The following TMEM192 variants were observed in gnomAD, a reference collection of about 807,000 sequenced individuals.
TMEM192 encodes the protein transmembrane protein 192.
A neutral mutation model predicts 26.7 loss-of-function variants in TMEM192; 20 were observed. That is an observed-to-expected ratio of 0.75 (90% CI 0.53 to 1.09). The LOEUF is 1.09. Among genes scored for constraint, TMEM192 ranks in the 50% least tolerant of loss-of-function variants. The probability of loss-of-function intolerance (pLI) is 0.00; values close to 1 mark genes in which losing one functional copy is unlikely to be tolerated. For synonymous variants in TMEM192, 124 were observed against 121.0 expected (o/e 1.02, Z -0.16); for missense variants, 304 against 322.6 (o/e 0.94, Z 0.44).
Position 165,096,960 on chromosome 4 carries a change from T to TG in TMEM192, c.439+3667_439+3668insC, listed in dbSNP as rs1734921054. Among the ~76,000 whole-genome samples, 3 of 4,906 alleles carry TG rather than the reference T, an allele frequency of 6.1e-4. No individual in the cohort carries two copies. The Non-Finnish European group carries it at 6.2e-3, about 10-fold the overall frequency. The allele number at this position is 4,906 out of a possible 152,430, so 3.2% of individuals were successfully genotyped here. On this transcript the variant is annotated intron_variant, in intron 3 of 5. Coordinates refer to ENST00000306480, the MANE Select transcript of TMEM192 (RefSeq NM_001100389.2). ...TTTTGTAGTTTAAAATTAAGTTTTT[T>TG]CTTTTTTTTTAATCTTTGTGTTACC...
At chr4:165,095,639 T>C (rs1016298566) in intron 3 of TMEM192, among the ~76,000 whole-genome samples, 69 of 152,298 alleles carry the variant, frequency 4.5e-4, no homozygotes, top group African/African-American at 1.6e-3. Context: ...CTTTACACTT[T>C]TAGGCCCCAG....
rs541804366 is a variant in TMEM192 at position 165,088,401 on chromosome 4, A to G, written c.574+67T>C. 8.1e-5 allele frequency: 123 copies of G among 1,524,792 alleles called. 1 individual carries two copies. In the African/African-American group the frequency reaches 1.3e-3, roughly 17 times the overall value. 94.5% of individuals were successfully genotyped at this position (1,524,792 alleles called of 1,614,324 possible). A position where few individuals can be genotyped will look rare whatever the true frequency, so the allele number is the denominator to read the frequency against. On this transcript the variant is annotated intron_variant, in intron 4 of 5. Coordinates refer to ENST00000306480, the MANE Select transcript of TMEM192 (RefSeq NM_001100389.2). The stretch of plus-strand genomic sequence containing the variant: ...AACTTCCTTGTCGCTAATGGGCTAT[A>G]CTTTAAACTGGGAGGAAAGGAAGCA...
At position 165,070,850 on chromosome 4, in the gene TMEM192, G is replaced by T. The variant is rs890455271; in HGVS notation, c.*8808C>A. On this transcript the variant is annotated 3_prime_UTR_variant, in exon 6 of 6. Transcript: ENST00000306480. ...AAGTTAGTGACATTAATTCATCAAC[G>T]TATATTGAGTGCCTACTTTGTGCCA... 6.6e-6 allele frequency: 1 copy of T among 152,170 alleles called. No individual in the cohort carries two copies. The highest frequency in any genetic ancestry group is 1.5e-5 in the Non-Finnish European group (1 of 68,036). The allele number at this position is 152,170 out of a possible 1,614,324, so 9.4% of individuals were successfully genotyped here. A position where few individuals can be genotyped will look rare whatever the true frequency, so the allele number is the denominator to read the frequency against.
At chr4:165,104,879 C>T (rs756221776) in intron 1 of TMEM192, among the ~76,000 whole-genome samples, 2 of 152,136 alleles carry the variant, frequency 1.3e-5, no homozygotes, top group Admixed American at 6.6e-5. Context: ...TTTACCATAA[C>T]TCATGGTACA....
rs1175402674 is a variant in TMEM192, at chr4:165,071,248, T to A, written c.*8410A>T. Reference sequence around the variant, plus strand: ...GTTACGTGTGGTGGTGTGGTGCACATCTATAATCCCAGCTACTCAGGAGGC... The same window carrying A: ...GTTACGTGTGGTGGTGTGGTGCACAACTATAATCCCAGCTACTCAGGAGGC... On this transcript the variant is annotated 3_prime_UTR_variant, in exon 6 of 6. Transcript: ENST00000306480. 6.6e-6 allele frequency: 1 copy of A among 151,822 alleles called. No homozygotes were observed. The highest frequency in any genetic ancestry group is 2.4e-5 in the African/African-American group (1 of 41,336). 9.4% of individuals were successfully genotyped at this position (151,822 alleles called of 1,614,324 possible).
chr4:165,102,924 A>C (rs967083332), intron 2 of TMEM192, 26 bp downstream of exon 2: 10 of 1,598,596 alleles, frequency 6.3e-6, no homozygotes, highest in Non-Finnish European at 8.5e-6. Flanking sequence ...ACCTCTGGAT[A>C]GGTCCCCTTC....
chr4:165,085,752 A>C (rs754230524), intron 4 of TMEM192, 64 bp from the exon 5 acceptor site: 1 of 1,231,734 alleles, frequency 8.1e-7, no homozygotes, highest in Non-Finnish European at 1.2e-6. Context: ...ATTTTTTCAA[A>C]TTATGCTAAT....
intron 5 of TMEM192, among the ~76,000 whole-genome samples, chr4:165,080,312 CA>C (rs1305840021): frequency 6.6e-6 from 1 of 151,720 alleles, no homozygotes; most frequent in Non-Finnish European, 1.5e-5. Context: ...ATAAAACAAA[CA>C]AAAAAAATCT....
chr4:165,094,352 T>A (rs970687823), intron 3 of TMEM192, among the ~76,000 whole-genome samples: 3 of 152,222 alleles, frequency 2.0e-5, no homozygotes, highest in East Asian at 3.8e-4. Context: ...TGGTGTTTTT[T>A]AAATGATTTT....
At chr4:165,090,553 A>G (rs1734734832) in intron 3 of TMEM192, among the ~76,000 whole-genome samples, 1 of 152,072 alleles carries the variant, frequency 6.6e-6, no homozygotes, top group African/African-American at 2.4e-5. Context: ...ACAACAAACC[A>G]TAAAACATAA....
rs192019464 is a variant in TMEM192 at position 165,083,945 on chromosome 4, C to T, written c.677+1641G>A. Reference sequence around the variant, plus strand: ...CAAGCGATTCTCCTGCCTCAGCCTCCTGAGTAGCTGGGACTACAGGTGTGC... The same window carrying T: ...CAAGCGATTCTCCTGCCTCAGCCTCTTGAGTAGCTGGGACTACAGGTGTGC... On this transcript the variant is annotated intron_variant, in intron 5 of 5. Transcript: ENST00000306480. Among the ~76,000 whole-genome samples, 51 of 145,378 alleles carry T rather than the reference C, an allele frequency of 3.5e-4. No individual in the cohort carries two copies. In the East Asian group the frequency reaches 0.011, roughly 30 times the overall value.
chr4:165,106,544 T>C (rs1375297561), intron 1 of TMEM192, among the ~76,000 whole-genome samples: 1 of 152,250 alleles, frequency 6.6e-6, no homozygotes, highest in Non-Finnish European at 1.5e-5. Context: ...CAGCTGCCAA[T>C]GCAGCTAGAA....
Position 165,073,077 on chromosome 4 carries a change from A to C in TMEM192, c.*6581T>G, listed in dbSNP as rs2111249613. ...AGTGAAGTAGAAGAAAATGAGGAGA[A>C]TGTAGTGTCCTGGAAGCCAAGCTGA... On this transcript the variant is annotated 3_prime_UTR_variant, in exon 6 of 6. Coordinates refer to ENST00000306480, the MANE Select transcript of TMEM192 (RefSeq NM_001100389.2). The C allele has an allele frequency of 6.6e-6, 1 of 152,542 alleles. No individual in the cohort carries two copies. The highest frequency in any genetic ancestry group is 1.9e-4 in the East Asian group (1 of 5,172). 9.4% of individuals were successfully genotyped at this position (152,542 alleles called of 1,614,324 possible).
At chr4:165,111,496 A>G (rs1027743021) in intron 1 of TMEM192, among the ~76,000 whole-genome samples, 1 of 150,936 alleles carries the variant, frequency 6.6e-6, no homozygotes, top group Non-Finnish European at 1.5e-5. Flanking sequence ...ATCAACCAAG[A>G]AGCACTTACT....
At chr4:165,091,584 C>T (rs1734765529) in intron 3 of TMEM192, among the ~76,000 whole-genome samples, 1 of 152,012 alleles carries the variant, frequency 6.6e-6, no homozygotes, top group South Asian at 2.1e-4. Flanking sequence ...GCACTGACAC[C>T]CACAAGGGCA....
rs1734289509 is a variant in TMEM192 at position 165,072,369 on chromosome 4, A to T, written c.*7289T>A. 1 of 152,092 alleles carries T rather than the reference A, an allele frequency of 6.6e-6. No individual in the cohort carries two copies. The allele number at this position is 152,092 out of a possible 1,614,324, so 9.4% of individuals were successfully genotyped here. On this transcript the variant is annotated 3_prime_UTR_variant, in exon 6 of 6. Transcript: ENST00000306480. ...CCGGAGTTCAAGACCAGCCTGGCTA[A>T]CATGGTGAAACCCCCTTTCTACTAA...
Position 165,102,976 on chromosome 4 carries a change from T to C in TMEM192, c.148A>G (p.Ile50Val), listed in dbSNP as rs887684826. 3.1e-6 allele frequency: 5 copies of C among 1,612,612 alleles called. No homozygotes were observed. The highest frequency in any genetic ancestry group is 2.7e-5 in the African/African-American group (2 of 74,866). The change falls in exon 2 of 6, where the codon ATA (isoleucine) becomes GTA (valine). Residue 50 changes from isoleucine (I) to valine (V), a missense_variant. By Grantham distance (29) the Ile-to-Val change is conservative. Transcript: ENST00000306480. ...PRFHPLPTVI[I>V]VNLLWFIHLV... The stretch of plus-strand genomic sequence containing the variant: ...TGAATAAACCACAGAAGATTCACTA[T>C]GATGACTGTAGGAAGAGGATGGAAT...
chr4:165,081,340 G>A (rs1734514868), intron 5 of TMEM192, among the ~76,000 whole-genome samples: 1 of 150,348 alleles, frequency 6.7e-6, no homozygotes, highest in South Asian at 2.1e-4. Flanking sequence ...TCTGAGTAGA[G>A]TCAACTCTTG....
In TMEM192 at chr4:165,075,245, C is replaced by CT. The variant is rs70952697; in HGVS notation, c.*4412dup. On this transcript the variant is annotated 3_prime_UTR_variant, in exon 6 of 6. Transcript: ENST00000306480. ...AAATACAATTTTTTTTCTTTTCTTT[C>CT]TTTTTTTTTTTTTGTGATGGAGTCT... 42,969 of 142,490 alleles carry CT rather than the reference C, an allele frequency of 0.3. 7,168 individuals are homozygous for CT. The highest frequency in any genetic ancestry group is 0.42 in the Admixed American group (5,869 of 13,990). The allele number at this position is 142,490 out of a possible 1,614,324, so 8.8% of individuals were successfully genotyped here.
Sources: gnomAD v4.1 joint callset for allele counts (sites outside exome capture counted in the v4.1 genomes callset) on GRCh38, gnomAD v4.1.1 for gene constraint, MANE v1.5 for transcripts, NCBI Gene and HGNC (gene_info 2026-07-23, HGNC 2026-07-21) for gene names.